Variants in GYPE observed in about 807,000 individuals in gnomAD.
GYPE encodes the protein glycophorin E (MNS blood group).
A neutral mutation model predicts 11.6 loss-of-function variants in GYPE; 8 were observed. The observed-to-expected ratio is 0.69, with a 90% CI of 0.41 to 1.25. The LOEUF (loss-of-function observed/expected upper bound fraction) is 1.25, where lower values mean the gene tolerates loss of function less well. Among genes scored for constraint, GYPE ranks in the 50% most tolerant of loss-of-function variants. The pLI, the probability that GYPE is intolerant of heterozygous loss-of-function variation, is 0.01. For synonymous variants in GYPE, 28 were observed against 29.6 expected (o/e 0.94, Z 0.18); for missense variants, 90 against 92.8 (o/e 0.97, Z 0.12).
chr4:143,874,139 T>G (rs553480949), intron 3 of GYPE, among the ~76,000 whole-genome samples: 260 of 152,270 alleles, frequency 1.7e-3, no homozygotes, highest in African/African-American at 5.5e-3. Context: ...TTTGAAAAAG[T>G]TAATGGCTTT....
chr4:143,870,882 G>C lies in GYPE; in HGVS notation c.*1380C>G, dbSNP rs906056010. On this transcript the variant is annotated 3_prime_UTR_variant, in exon 4 of 4. Coordinates refer to ENST00000358615, the MANE Select transcript of GYPE (RefSeq NM_198682.3). ...AAGACTGTGTAATTTATAAAGGAAA[G>C]AGGTTTTATTGATCTACAGTTTTGC... is the stretch of plus-strand genomic sequence containing the variant. 1 of 152,150 alleles carries C rather than the reference G, an allele frequency of 6.6e-6. No homozygotes were observed. Among genetic ancestry groups the C allele is most frequent in the African/African-American group, 2.4e-5 (1 of 41,404 alleles). 9.4% of individuals were successfully genotyped at this position (152,150 alleles called of 1,614,324 possible). A position where few individuals can be genotyped will look rare whatever the true frequency, so the allele number is the denominator to read the frequency against.
chr4:143,895,386 T>C (rs1744588369), intron 1 of GYPE, among the ~76,000 whole-genome samples: 1 of 152,076 alleles, frequency 6.6e-6, no homozygotes, highest in Admixed American at 6.5e-5. Flanking sequence ...AGCCAAATCA[T>C]GAGTGAAATC....
At chr4:143,875,004 C>T (rs1743742013) in intron 3 of GYPE, among the ~76,000 whole-genome samples, 1 of 152,114 alleles carries the variant, frequency 6.6e-6, no homozygotes, top group Admixed American at 6.5e-5. Flanking sequence ...AGAACTTGGT[C>T]CTTGCCCTCA....
chr4:143,889,856 A>T (rs774737484), intron 1 of GYPE, among the ~76,000 whole-genome samples: 6 of 152,180 alleles, frequency 3.9e-5, no homozygotes, highest in Admixed American at 3.9e-4. Context: ...AGGAGGAAAA[A>T]AAAACATCAG....
intron 1 of GYPE, among the ~76,000 whole-genome samples, chr4:143,901,422 GAA>G (rs33971060): frequency 0.94 from 142,406 of 151,788 alleles, 67,519 homozygotes; most frequent in East Asian, 1. Flanking sequence ...TTTAAAATGA[GAA>G]AAAAAAAATA....
At chr4:143,883,889 A>G (rs1005944425) in intron 1 of GYPE, among the ~76,000 whole-genome samples, 15 of 152,222 alleles carry the variant, frequency 9.9e-5, no homozygotes, top group African/African-American at 1.7e-4. Context: ...GCCATCTAGT[A>G]GTTTTGACTG....
chr4:143,896,664 C>A (rs1446889107), intron 1 of GYPE, among the ~76,000 whole-genome samples: 2 of 152,140 alleles, frequency 1.3e-5, no homozygotes, highest in African/African-American at 4.8e-5. Context: ...TGGGTATATA[C>A]CCAAAGGACT....
chr4:143,903,347 G>T (rs781029567), intron 1 of GYPE, among the ~76,000 whole-genome samples: 1 of 151,572 alleles, frequency 6.6e-6, no homozygotes, highest in Non-Finnish European at 1.5e-5. Flanking sequence ...TTCACAATCT[G>T]ACATGTAATG....
chr4:143,874,094 G>T (rs923486419), intron 3 of GYPE, among the ~76,000 whole-genome samples: 3 of 152,016 alleles, frequency 2.0e-5, no homozygotes, highest in African/African-American at 7.2e-5. Context: ...GTTGCTATAT[G>T]TATATATGTA....
chr4:143,876,165 G>A (rs1220603913), intron 3 of GYPE, among the ~76,000 whole-genome samples: 1 of 151,976 alleles, frequency 6.6e-6, no homozygotes, highest in Non-Finnish European at 1.5e-5. Context: ...CCAAGCTGGA[G>A]TGCAGTAGCA....
intron 1 of GYPE, among the ~76,000 whole-genome samples, chr4:143,900,076 A>G (rs1224840788): frequency 6.6e-6 from 1 of 151,010 alleles, no homozygotes; most frequent in Non-Finnish European, 1.5e-5. Flanking sequence ...AGAACATAGA[A>G]AGAACTCTTA....
At chr4:143,891,052 G>A (rs1314678826) in intron 1 of GYPE, among the ~76,000 whole-genome samples, 2 of 152,116 alleles carry the variant, frequency 1.3e-5, no homozygotes, top group African/African-American at 2.4e-5. Flanking sequence ...CAAATTGTCT[G>A]TTGAGAGCCC....
At chr4:143,872,422 A>T (rs1743648859) in intron 3 of GYPE, among the ~76,000 whole-genome samples, 170 bp from the exon 4 acceptor site, 1 of 152,162 alleles carries the variant, frequency 6.6e-6, no homozygotes, top group African/African-American at 2.4e-5. Flanking sequence ...AAATTTAAAA[A>T]ATTAATTTTT....
intron 3 of GYPE, among the ~76,000 whole-genome samples, chr4:143,874,478 A>G (rs1477675268): frequency 6.6e-6 from 1 of 152,224 alleles, no homozygotes; most frequent in Non-Finnish European, 1.5e-5. Context: ...TTGAGAGGTA[A>G]TAACATTCAT....
chr4:143,871,974 C>A lies in GYPE; in HGVS notation c.*288G>T, dbSNP rs1349048028. The stretch of plus-strand genomic sequence containing the variant: ...GGACTGTCCCCTAGGCAAGGGGACA[C>A]CAAACACAATGAGGCATGGGATAAG... On this transcript the variant is annotated 3_prime_UTR_variant, in exon 4 of 4. Transcript: ENST00000358615. The A allele has an allele frequency of 1.3e-5, 2 of 152,166 alleles. No homozygotes were observed. Among genetic ancestry groups the A allele is most frequent in the African/African-American group, 4.8e-5 (2 of 41,484 alleles). The allele number at this position is 152,166 out of a possible 1,614,324, so 9.4% of individuals were successfully genotyped here.
intron 1 of GYPE, among the ~76,000 whole-genome samples, chr4:143,890,253 T>C (rs1744351405): frequency 6.6e-6 from 1 of 152,152 alleles, no homozygotes; most frequent in Admixed American, 6.5e-5. Context: ...GAATCTTAAT[T>C]TTTCCAGCCA....
chr4:143,873,084 C>A (rs1258996867), intron 3 of GYPE, among the ~76,000 whole-genome samples: 1 of 152,182 alleles, frequency 6.6e-6, no homozygotes, highest in African/African-American at 2.4e-5. Flanking sequence ...GACAGGGAGA[C>A]AAGCTGTGGG....
intron 1 of GYPE, among the ~76,000 whole-genome samples, chr4:143,901,056 A>G (rs951976445): frequency 2.6e-5 from 4 of 152,226 alleles, no homozygotes; most frequent in South Asian, 4.1e-4. Flanking sequence ...AGTGAGTGCT[A>G]TATCACTGTT....
chr4:143,900,352 A>AAT (rs1744813601), intron 1 of GYPE, among the ~76,000 whole-genome samples: 1 of 125,258 alleles, frequency 8.0e-6, no homozygotes, highest in Non-Finnish European at 1.7e-5. Flanking sequence ...GAAAAGGTCA[A>AAT]AAGGTGCAGC....
Sources: gnomAD v4.1 joint callset for allele counts (sites outside exome capture counted in the v4.1 genomes callset) on GRCh38, gnomAD v4.1.1 for gene constraint, MANE v1.5 for transcripts, NCBI Gene and HGNC (gene_info 2026-07-23, HGNC 2026-07-21) for gene names.